The following LRBA variants were observed in gnomAD, a reference collection of about 807,000 sequenced individuals.
LRBA encodes LPS responsive beige-like anchor protein.
Under a neutral mutation model 330.0 loss-of-function variants are expected in LRBA, and 176 were observed. The ratio of observed to expected loss-of-function variants is 0.53; its 90% CI spans 0.47 to 0.60. LRBA has a LOEUF of 0.60. Ranked by LOEUF, LRBA falls within the 20% of genes least tolerant of loss-of-function variation. The pLI, the probability that LRBA is intolerant of heterozygous loss-of-function variation, is 0.00. For synonymous variants in LRBA, 1,230 were observed against 1,193.0 expected (o/e 1.03, Z -0.64); for missense variants, 3,259 against 3,444.8 (o/e 0.95, Z 1.35).
At chr4:150,294,198 C>T (rs189209378) in intron 53 of LRBA, among the ~76,000 whole-genome samples, 1 of 152,074 alleles carries the variant, frequency 6.6e-6, no homozygotes, top group Non-Finnish European at 1.5e-5. Flanking sequence ...AAAAGTATAC[C>T]CCTTAAATGT....
At chr4:150,475,484 A>G (rs892149342) in intron 42 of LRBA, among the ~76,000 whole-genome samples, 1 of 152,158 alleles carries the variant, frequency 6.6e-6, no homozygotes, top group Admixed American at 6.6e-5. Context: ...TCAAATTTCC[A>G]ATTTCTTTTT....
chr4:150,970,564 C>T (rs1227322685), intron 2 of LRBA: 2 of 136,080 alleles, frequency 1.5e-5, no homozygotes, highest in Admixed American at 7.3e-5. Context: ...TGTACACACA[C>T]ACACACACAC....
chr4:150,583,897 G>T lies in LRBA; in HGVS notation c.6330+4151C>A. The stretch of plus-strand genomic sequence containing the variant: ...GTGCGAGAAACACCCACGAGAAACG[G>T]ACTGGGACGAGTCGTGCCTGGGCGA... On this transcript the variant is annotated intron_variant, in intron 40 of 56. Coordinates refer to ENST00000651943, the MANE Select transcript of LRBA (RefSeq NM_001364905.1). The surrounding 1 kb of genome is among the most constrained non-coding windows in gnomAD (Gnocchi z 9.8). 6.2e-7 allele frequency: 1 copy of T among 1,613,370 alleles called. No homozygotes were observed. Among genetic ancestry groups the T allele is most frequent in the African/African-American group, 1.3e-5 (1 of 75,046 alleles).
rs189107873 is a variant in LRBA at position 150,465,042 on chromosome 4, C to T, written c.6780+2631G>A. Among the ~76,000 whole-genome samples the T allele has an allele frequency of 6.5e-3, 983 of 152,046 alleles. 2 individuals are homozygous for T. The highest frequency in any genetic ancestry group is 0.01 in the Non-Finnish European group (692 of 67,946). On this transcript the variant is annotated intron_variant, in intron 44 of 56. Coordinates refer to ENST00000651943, the MANE Select transcript of LRBA (RefSeq NM_001364905.1). ...GAAACTCTATACCTATTACATGAAA[C>T]ACTAACTCCTCATTCTCTCCCTCAC... is the stretch of plus-strand genomic sequence containing the variant.
intron 2 of LRBA, among the ~76,000 whole-genome samples, chr4:150,934,577 T>A (rs1734873451): frequency 1.3e-5 from 2 of 152,170 alleles, no homozygotes; most frequent in Non-Finnish European, 2.9e-5. Context: ...TTTTAATTGC[T>A]TATTTAGAAA....
chr4:150,421,274 T>C (rs2151964380), intron 46 of LRBA, among the ~76,000 whole-genome samples: 1 of 141,604 alleles, frequency 7.1e-6, no homozygotes, highest in Non-Finnish European at 1.5e-5. Flanking sequence ...ATATATATAA[T>C]ATAAATATAT....
chr4:150,809,871 ATACGATACG>A (rs1360099160), intron 31 of LRBA, among the ~76,000 whole-genome samples: 4 of 95,496 alleles, frequency 4.2e-5, no homozygotes, highest in Admixed American at 1.0e-4. Context: ...ATACGATACG[ATACGATACG>A]ATACGATACG....
chr4:150,638,273 C>T (rs1384026706), intron 37 of LRBA, among the ~76,000 whole-genome samples: 2 of 152,056 alleles, frequency 1.3e-5, no homozygotes, highest in South Asian at 2.1e-4. Flanking sequence ...GTGATCCACC[C>T]GCCTCAGCCT....
At chr4:150,680,140 C>T (rs1197141852) in intron 37 of LRBA, among the ~76,000 whole-genome samples, 2 of 152,160 alleles carry the variant, frequency 1.3e-5, no homozygotes, top group South Asian at 2.1e-4. Context: ...CTTGCTTATT[C>T]CACTATTCTT....
At chr4:150,958,415 C>A (rs1217145116) in intron 2 of LRBA, among the ~76,000 whole-genome samples, 1 of 148,988 alleles carries the variant, frequency 6.7e-6, no homozygotes, top group Non-Finnish European at 1.5e-5. Context: ...AGCTGCAAGT[C>A]CCGGAGGCCA....
At chr4:150,377,116 G>A in intron 47 of LRBA, among the ~76,000 whole-genome samples, 1 of 142,108 alleles carries the variant, frequency 7.0e-6, no homozygotes, top group Non-Finnish European at 1.5e-5. Flanking sequence ...AACATGGCAA[G>A]ATCCCATCTC....
At chr4:150,537,950 G>GT (rs1764857834) in intron 40 of LRBA, among the ~76,000 whole-genome samples, 1 of 151,538 alleles carries the variant, frequency 6.6e-6, no homozygotes, top group South Asian at 2.1e-4. Flanking sequence ...GCGAGACTCT[G>GT]TCTCAAAAAA....
chr4:150,373,073 G>A (rs1036229181), intron 47 of LRBA, among the ~76,000 whole-genome samples: 7 of 149,446 alleles, frequency 4.7e-5, no homozygotes, highest in African/African-American at 1.2e-4. Flanking sequence ...TTCCACCCTC[G>A]GTCATACATT....
chr4:150,727,456 C>T (rs902664414), intron 36 of LRBA, among the ~76,000 whole-genome samples: 14 of 152,016 alleles, frequency 9.2e-5, no homozygotes, highest in African/African-American at 3.1e-4. Flanking sequence ...AGGAACAGAC[C>T]ATACGTTAGG....
chr4:150,448,392 A>G (rs764144466), intron 44 of LRBA, among the ~76,000 whole-genome samples: 5 of 152,242 alleles, frequency 3.3e-5, no homozygotes, highest in Non-Finnish European at 5.9e-5. Flanking sequence ...GAGCTGAGGT[A>G]AAAGACAACC....
At chr4:150,602,134 C>A (rs2052887812) in intron 37 of LRBA, among the ~76,000 whole-genome samples, 1 of 152,132 alleles carries the variant, frequency 6.6e-6, no homozygotes, top group South Asian at 2.1e-4. Context: ...AGTTACAACA[C>A]AATTAAAAAC....
At chr4:150,974,953 T>C (rs1230053672) in intron 2 of LRBA, among the ~76,000 whole-genome samples, 1 of 152,330 alleles carries the variant, frequency 6.6e-6, no homozygotes, top group East Asian at 1.9e-4. Context: ...CCAAAACTTG[T>C]GGTCTGACCC....
At chr4:150,697,874 T>C (rs553634678) in intron 36 of LRBA, among the ~76,000 whole-genome samples, 10 of 152,156 alleles carry the variant, frequency 6.6e-5, no homozygotes, top group Middle Eastern at 3.4e-3. Flanking sequence ...TTTGATGACA[T>C]TGCCAGACAT....
At chr4:150,574,323 C>G (rs537952876) in intron 40 of LRBA, among the ~76,000 whole-genome samples, 1 of 151,964 alleles carries the variant, frequency 6.6e-6, no homozygotes, top group Non-Finnish European at 1.5e-5. Context: ...CATATACCTA[C>G]GTTAGAGCAG....
Sources: allele counts gnomAD v4.1 joint callset (sites outside exome capture counted in the v4.1 genomes callset), GRCh38; gene constraint gnomAD v4.1.1; non-coding constraint Gnocchi (gnomAD v3.1); transcripts MANE v1.5; gene names NCBI Gene and HGNC (gene_info 2026-07-23, HGNC 2026-07-21).